TRIM37: variants seen among roughly 807,000 people sequenced by gnomAD.
TRIM37 encodes E3 ubiquitin-protein ligase TRIM37.
Under a neutral mutation model 129.8 loss-of-function variants are expected in TRIM37, and 80 were observed. That is an observed-to-expected ratio of 0.62 (90% confidence interval 0.51 to 0.74). The LOEUF is 0.74. TRIM37 is among the 30% of genes least tolerant of loss of function. TRIM37 has a pLI of 0.00. For missense variants in TRIM37, 1,054 were observed against 1,176.5 expected (o/e 0.90, Z 1.52); for synonymous variants, 389 against 387.1 (o/e 1.00, Z -0.06).
At chr17:59,068,250 G>A (rs2146688294) in intron 9 of TRIM37, among the ~76,000 whole-genome samples, 1 of 152,268 alleles carries the variant, frequency 6.6e-6, no homozygotes, top group South Asian at 2.1e-4. Context: ...TATAAGAATG[G>A]GAATTTACAT....
chr17:59,042,439 AAAAAAAAAAAAT>A lies in TRIM37; in HGVS notation c.1668-553_1668-542del, dbSNP rs1568065339. ...TAAGAAAAAAAGGAATTTAAAAAAAAAAAAAAAAAAATATATATATATATATATATATATATC... is the reference window on the plus strand; with the variant it reads ...TAAGAAAAAAAGGAATTTAAAAAAAAATATATATATATATATATATATATC... On this transcript the variant is annotated intron_variant, in intron 16 of 23. Coordinates refer to ENST00000262294, the MANE Select transcript of TRIM37 (RefSeq NM_015294.6). Among the ~76,000 whole-genome samples the A allele has an allele frequency of 8.0e-4, 66 of 82,094 alleles. 1 individual carries two copies. Among genetic ancestry groups the A allele is most frequent in the Middle Eastern group, 0.011 (2 of 182 alleles). The allele number at this position is 82,094 out of a possible 152,430, so 53.9% of individuals were successfully genotyped here.
chr17:59,042,815 G>A (rs888195005), intron 16 of TRIM37, among the ~76,000 whole-genome samples: 7 of 151,620 alleles, frequency 4.6e-5, no homozygotes, highest in Non-Finnish European at 1.0e-4. Flanking sequence ...TAAAAAAAAA[G>A]AACTGTGTCA....
chr17:59,022,379 A>C (rs750967850), intron 19 of TRIM37, among the ~76,000 whole-genome samples: 6 of 152,254 alleles, frequency 3.9e-5, no homozygotes, highest in Non-Finnish European at 8.8e-5. Flanking sequence ...AATCATTTTG[A>C]CAAATGTCAA....
intron 13 of TRIM37, among the ~76,000 whole-genome samples, chr17:59,051,922 T>G (rs915874395): frequency 2.6e-5 from 4 of 152,138 alleles, no homozygotes; most frequent in Non-Finnish European, 5.9e-5. Flanking sequence ...ATACAAAGTT[T>G]TAAGTGCTGC....
downstream of TRIM37, chr17:58,979,959 C>A: frequency 6.3e-7 from 1 of 1,599,844 alleles, no homozygotes; most frequent in Non-Finnish European, 8.5e-7. Flanking sequence ...TGCCCCTACA[C>A]TCTGCTTCCC....
intron 17 of TRIM37, among the ~76,000 whole-genome samples, chr17:59,033,742 C>G (rs1423282709): frequency 1.3e-5 from 2 of 151,654 alleles, no homozygotes; most frequent in Non-Finnish European, 2.9e-5. Flanking sequence ...TTTTCTTTTA[C>G]TAAGGAATTC....
At chr17:59,100,704 T>C (rs113732064) in intron 2 of TRIM37, among the ~76,000 whole-genome samples, 3 of 152,238 alleles carry the variant, frequency 2.0e-5, no homozygotes, top group African/African-American at 7.2e-5. Flanking sequence ...GCAATGATTG[T>C]CTCACAAGAA....
chr17:58,982,986 G>A (rs981311033), intron 24 of TRIM37: 12 of 1,404,090 alleles, frequency 8.5e-6, no homozygotes, highest in Admixed American at 4.5e-5. Context: ...AGTGCTTAGC[G>A]AAGTAAAAAA....
the TRIM37 span, among the ~76,000 whole-genome samples, chr17:58,970,652 G>T: frequency 6.6e-6 from 1 of 152,074 alleles, no homozygotes; most frequent in Admixed American, 6.6e-5. Flanking sequence ...TTAAGAAAGA[G>T]AATTATTCTT....
chr17:59,016,916 C>T (rs1344105894), intron 20 of TRIM37, among the ~76,000 whole-genome samples: 4 of 152,102 alleles, frequency 2.6e-5, no homozygotes, highest in African/African-American at 9.7e-5. Context: ...GGGCTCATTC[C>T]TGTAATCCGA....
intron 5 of TRIM37, among the ~76,000 whole-genome samples, chr17:59,082,395 T>C (rs780030463): frequency 6.6e-6 from 1 of 152,260 alleles, no homozygotes; most frequent in Non-Finnish European, 1.5e-5. Context: ...GCTATAGTTA[T>C]GCATCCTCAT....
At chr17:59,063,894 C>T (rs1163628787) in intron 10 of TRIM37, among the ~76,000 whole-genome samples, 1 of 152,154 alleles carries the variant, frequency 6.6e-6, no homozygotes, top group Admixed American at 6.5e-5. Flanking sequence ...TGGCTAATGC[C>T]TATAATTCCA....
rs576624324 is a variant in TRIM37 at position 59,079,826 on chromosome 17, T to C, written c.544A>G (p.Ile182Val). 5 of 1,614,088 alleles carry C rather than the reference T, an allele frequency of 3.1e-6. No homozygotes were observed. Among genetic ancestry groups the C allele is most frequent in the East Asian group, 4.5e-5 (2 of 44,864 alleles). ...RNAKDERVRE[I>V]RNAVEMMIAR... Reference sequence around the variant, plus strand: ...ATCATCATCTCCACTGCATTCCTAATTTCCCGAACACGCTCATCTTTTGCA... The same window carrying C: ...ATCATCATCTCCACTGCATTCCTAACTTCCCGAACACGCTCATCTTTTGCA... The change falls in exon 7 of 24, where the codon ATT becomes GTT. Residue 182 changes from isoleucine to valine, a missense_variant. This residue lies in a region of TRIM37 where 752 missense variants were observed against 870.8 expected (regional missense o/e 0.86). Coordinates refer to ENST00000262294, the MANE Select transcript of TRIM37 (RefSeq NM_015294.6).
At chr17:59,047,623 T>G in intron 16 of TRIM37, 60 bp downstream of exon 16, 2 of 1,534,540 alleles carry the variant, frequency 1.3e-6, no homozygotes, top group Non-Finnish European at 1.8e-6. Flanking sequence ...TGTGAGTTAG[T>G]TAATATGCTT....
At chr17:59,073,841 C>A (rs529891697) in intron 8 of TRIM37, among the ~76,000 whole-genome samples, 1 of 152,358 alleles carries the variant, frequency 6.6e-6, no homozygotes, top group Non-Finnish European at 1.5e-5. Flanking sequence ...TCCACCTCCA[C>A]ATCTTGTCCC....
chr17:59,104,144 G>A lies in TRIM37; in HGVS notation c.123+149C>T, dbSNP rs73993852. 4,221 of 676,784 alleles carry A rather than the reference G, an allele frequency of 6.2e-3. 122 individuals are homozygous for A. The African/African-American group carries it at 0.066, about 11-fold the overall frequency. 41.9% of individuals were successfully genotyped at this position (676,784 alleles called of 1,614,324 possible). ...TAAGCTCCTTCAAGGCAGGCAATTTGTCATTTATCTTAGTATTCCTCAACC... is the reference window on the plus strand; with the variant it reads ...TAAGCTCCTTCAAGGCAGGCAATTTATCATTTATCTTAGTATTCCTCAACC... On this transcript the variant is annotated intron_variant, in intron 2 of 23. Transcript: ENST00000262294.
chr17:59,057,115 C>T, intron 12 of TRIM37, 61 bp from the exon 13 acceptor site: 1 of 1,442,396 alleles, frequency 6.9e-7, no homozygotes, highest in South Asian at 1.2e-5. Flanking sequence ...AAAACAAACT[C>T]ATCTAAACAT....
At chr17:59,081,940 A>AC (rs2043302665) in intron 5 of TRIM37, among the ~76,000 whole-genome samples, 1 of 89,642 alleles carries the variant, frequency 1.1e-5, no homozygotes, top group African/African-American at 4.9e-5. Context: ...TAAAAACCAA[A>AC]AAAAAAAAAA....
chr17:59,088,569 G>A (rs990617398), intron 3 of TRIM37, among the ~76,000 whole-genome samples, 162 bp from the exon 4 acceptor site: 2 of 151,692 alleles, frequency 1.3e-5, no homozygotes, highest in Non-Finnish European at 2.9e-5. Flanking sequence ...GTGGAATGCA[G>A]CGGCATGCAT....
Sources: gnomAD v4.1 joint callset for allele counts (sites outside exome capture counted in the v4.1 genomes callset) on GRCh38, gnomAD v4.1.1 for gene constraint, gnomAD v4.1.1 regional missense constraint, MANE v1.5 for transcripts, NCBI Gene and HGNC (gene_info 2026-07-23, HGNC 2026-07-21) for gene names.